Variants in FRMD8 observed in about 807,000 individuals in gnomAD.
FRMD8 encodes the protein FERM domain-containing protein 8.
A neutral mutation model predicts 54.2 loss-of-function variants in FRMD8; 37 were observed. The observed-to-expected ratio is 0.68, with a 90% confidence interval of 0.53 to 0.90. FRMD8 has a LOEUF of 0.90. Ranked by LOEUF, FRMD8 falls within the 40% of genes least tolerant of loss-of-function variation. The pLI is 0.00. For missense variants in FRMD8, 585 were observed against 653.7 expected, an observed-to-expected ratio of 0.89 and a Z score of 1.15; for synonymous variants, 246 against 286.9, an observed-to-expected ratio of 0.86 and a Z score of 1.44.
intron 10 of FRMD8, 95 bp downstream of exon 10, chr11:65,405,163 C>G: frequency 8.1e-7 from 1 of 1,239,482 alleles, no homozygotes; most frequent in East Asian, 2.4e-5. Context: ...CAGAGCAGCT[C>G]CAGACCCAGT....
chr11:65,381,410 T>G, the FRMD8 span: 1 of 160,392 alleles, frequency 6.2e-6, no homozygotes, highest in African/African-American at 2.4e-5. Flanking sequence ...CTTACAGGCA[T>G]GAGCCACCGC....
intron 6 of FRMD8, among the ~76,000 whole-genome samples, chr11:65,396,317 A>G (rs1373367230): frequency 6.6e-6 from 1 of 152,078 alleles, no homozygotes; most frequent in Non-Finnish European, 1.5e-5. Flanking sequence ...TCCTGGATGG[A>G]GATGCAGGCA....
At chr11:65,399,710 G>A in intron 7 of FRMD8, 26 bp from the exon 8 acceptor site, 5 of 1,612,092 alleles carry the variant, frequency 3.1e-6, no homozygotes, top group Non-Finnish European at 4.2e-6. Context: ...GTGCTGGCCG[G>A]AGGCTGACCC....
chr11:65,407,739 G>T (rs2137940295), intron 10 of FRMD8, among the ~76,000 whole-genome samples: 1 of 151,630 alleles, frequency 6.6e-6, no homozygotes, highest in South Asian at 2.1e-4. Flanking sequence ...AATACAAAAA[G>T]AAAAAAAATT....
intron 7 of FRMD8, among the ~76,000 whole-genome samples, chr11:65,397,928 T>C (rs1186523318): frequency 6.8e-6 from 1 of 147,326 alleles, no homozygotes; most frequent in Non-Finnish European, 1.5e-5. Flanking sequence ...CAGGCTGGAG[T>C]GCAATGCCAT....
the FRMD8 span, chr11:65,376,970 T>C: frequency 9.2e-5 from 149 of 1,613,146 alleles, 1 homozygote; most frequent in Non-Finnish European, 1.6e-5. Flanking sequence ...GGCTGCACAG[T>C]GCACGGGCCC....
chr11:65,404,120 C>T lies in FRMD8; in HGVS notation c.1072-744C>T, dbSNP rs1014841357. ...GGAGAGGCAGGAGCCAGGCCAGTCT[C>T]CGCAGGGCCACTCCAGCATCTGACC... On this transcript the variant is annotated intron_variant, in intron 9 of 10. Transcript: ENST00000317568. The surrounding 1 kb of genome is among the most constrained non-coding windows in gnomAD (Gnocchi z 4.7). Among the ~76,000 whole-genome samples the T allele has an allele frequency of 3.3e-5, 5 of 152,162 alleles. No individual in the cohort carries two copies. The highest frequency in any genetic ancestry group is 7.4e-5 in the Non-Finnish European group (5 of 68,010).
At chr11:65,385,881 GC>G (rs1855721219), upstream of FRMD8, among the ~76,000 whole-genome samples, 1 of 148,978 alleles carries the variant, frequency 6.7e-6, no homozygotes, top group African/African-American at 2.5e-5. Flanking sequence ...TGCAGGCTCC[GC>G]CCCCTGGGGT....
At chr11:65,379,063 C>T in the FRMD8 span, 3 of 363,954 alleles carry the variant, frequency 8.2e-6, no homozygotes, top group South Asian at 6.0e-5. Flanking sequence ...GGGGAGTGGG[C>T]TCCCCACAGC....
chr11:65,408,463 C>T (rs563593460), intron 10 of FRMD8, among the ~76,000 whole-genome samples: 20 of 151,774 alleles, frequency 1.3e-4, no homozygotes, highest in Non-Finnish European at 2.4e-4. Context: ...GGTTTTAGCA[C>T]GCTCATTTTG....
intron 9 of FRMD8, among the ~76,000 whole-genome samples, chr11:65,401,544 C>T (rs904886871): frequency 1.3e-5 from 2 of 151,014 alleles, no homozygotes; most frequent in African/African-American, 4.9e-5. Context: ...TGGTGCCCTT[C>T]ACCCCTCCCT....
rs149665891 is a variant in FRMD8 at position 65,393,614 on chromosome 11, C to T, written c.295C>T (p.Arg99Cys). The change falls in exon 4 of 11, where the codon CGC becomes TGC. Residue 99 changes from arginine (R) to cysteine (C), a missense_variant. By Grantham distance (180) the Arg-to-Cys change is radical. Transcript: ENST00000317568. ...KPKHQPYKLG[R>C]QWPELLLRFT... ...CAAGCACCAGCCCTACAAGCTGGGACGCCAGTGGCCGGAGCTGCTGCTGCG... is the reference window on the plus strand; with the variant it reads ...CAAGCACCAGCCCTACAAGCTGGGATGCCAGTGGCCGGAGCTGCTGCTGCG... 114 of 1,608,880 alleles carry T rather than the reference C, an allele frequency of 7.1e-5. No homozygotes were observed. Among genetic ancestry groups the T allele is most frequent in the Admixed American group, 1.0e-4 (6 of 60,026 alleles).
At chr11:65,384,329 G>A (rs895986672), upstream of FRMD8, among the ~76,000 whole-genome samples, 4 of 151,966 alleles carry the variant, frequency 2.6e-5, no homozygotes, top group African/African-American at 9.7e-5. Context: ...AACCATGCTC[G>A]TGCAGTTCCC....
the FRMD8 span, chr11:65,376,300 G>C: frequency 3.6e-6 from 5 of 1,387,018 alleles, no homozygotes; most frequent in South Asian, 5.5e-5. Flanking sequence ...TGGTTAGGAA[G>C]GGCTGAGCCT....
chr11:65,389,980 C>A (rs897606693), intron 3 of FRMD8, among the ~76,000 whole-genome samples: 5 of 152,138 alleles, frequency 3.3e-5, no homozygotes, highest in Admixed American at 1.3e-4. Context: ...CAAGACAGAC[C>A]CAGGCCTGAG....
Position 65,400,237 on chromosome 11 carries a change from G to A in FRMD8, c.927+378G>A, listed in dbSNP as rs1377765494. Reference sequence around the variant, plus strand: ...TTTCTGCGTTTGGTGGCCAGCCCTGGGTAGAGAGCCGCGTCAGCAGCCAGC... The same window carrying A: ...TTTCTGCGTTTGGTGGCCAGCCCTGAGTAGAGAGCCGCGTCAGCAGCCAGC... On this transcript the variant is annotated intron_variant, in intron 8 of 10. Coordinates refer to ENST00000317568, the MANE Select transcript of FRMD8 (RefSeq NM_031904.5). This position sits in a 1 kb window ranked among gnomAD's most constrained non-coding sequence, Gnocchi z 4.3. Among the ~76,000 whole-genome samples the A allele has an allele frequency of 6.6e-6, 1 of 152,208 alleles. No individual in the cohort carries two copies. The highest frequency in any genetic ancestry group is 1.5e-5 in the Non-Finnish European group (1 of 68,034).
At chr11:65,379,368 C>T in the FRMD8 span, 1 of 1,607,152 alleles carries the variant, frequency 6.2e-7, no homozygotes, top group Non-Finnish European at 8.5e-7. Context: ...CACTCACTGC[C>T]CCCTCACCTG....
At chr11:65,394,979 G>T (rs1006164148) in intron 6 of FRMD8, among the ~76,000 whole-genome samples, 1 of 152,256 alleles carries the variant, frequency 6.6e-6, no homozygotes, top group Non-Finnish European at 1.5e-5. Context: ...GGACGCGGTG[G>T]CCCAGGCCTG....
At chr11:65,393,858 T>C (rs1590650272) in intron 4 of FRMD8, 183 bp from the exon 5 acceptor site, 1 of 781,904 alleles carries the variant, frequency 1.3e-6, no homozygotes, top group East Asian at 2.7e-5. Flanking sequence ...GAAGCCCCAT[T>C]GGGGGATGGG....
Sources: allele counts gnomAD v4.1 joint callset (sites outside exome capture counted in the v4.1 genomes callset), GRCh38; gene constraint gnomAD v4.1.1; non-coding constraint Gnocchi (gnomAD v3.1); transcripts MANE v1.5; gene names NCBI Gene and HGNC (gene_info 2026-07-23, HGNC 2026-07-21).